The following SPEF2 variants were observed in gnomAD, a reference collection of about 807,000 sequenced individuals.
The protein encoded by SPEF2 is sperm flagella and cilia-associated protein 2.
A neutral mutation model predicts 224.6 loss-of-function variants in SPEF2; 187 were observed. That is an observed-to-expected ratio of 0.83 (90% CI 0.74 to 0.94). SPEF2 has a LOEUF of 0.94. Ranked by LOEUF, SPEF2 falls within the 40% of genes least tolerant of loss-of-function variation. The pLI, the probability that SPEF2 is intolerant of heterozygous loss-of-function variation, is 0.00. For missense variants in SPEF2, 2,170 were observed against 2,135.6 expected, an observed-to-expected ratio of 1.02 and a Z score of -0.32; for synonymous variants, 715 against 707.3, an observed-to-expected ratio of 1.01 and a Z score of -0.17.
chr5:35,741,462 G>A (rs1166655761), intron 23 of SPEF2, among the ~76,000 whole-genome samples: 1 of 152,206 alleles, frequency 6.6e-6, no homozygotes, highest in Non-Finnish European at 1.5e-5. Flanking sequence ...GTCTGGAGCA[G>A]AGTGAGCTAG....
At chr5:35,755,921 C>T (rs1176767144) in intron 24 of SPEF2, among the ~76,000 whole-genome samples, 3 of 152,100 alleles carry the variant, frequency 2.0e-5, no homozygotes, top group African/African-American at 7.2e-5. Context: ...ACTGTAAGTT[C>T]TGTTATCTTC....
chr5:35,755,621 A>C (rs1225402499), intron 24 of SPEF2, among the ~76,000 whole-genome samples: 1 of 152,154 alleles, frequency 6.6e-6, no homozygotes, highest in Non-Finnish European at 1.5e-5. Flanking sequence ...GAATATATTA[A>C]AACTTCACAA....
At chr5:35,761,384 A>T (rs1482658467) in intron 25 of SPEF2, among the ~76,000 whole-genome samples, 1 of 152,208 alleles carries the variant, frequency 6.6e-6, no homozygotes, top group Non-Finnish European at 1.5e-5. Flanking sequence ...TCAGAAGATG[A>T]GATTGAGTCC....
intron 9 of SPEF2, among the ~76,000 whole-genome samples, chr5:35,668,779 T>C (rs1222740025): frequency 2.0e-5 from 3 of 152,028 alleles, no homozygotes; most frequent in Non-Finnish European, 4.4e-5. Context: ...ATAGCTAAGG[T>C]TTTTTTCTTC....
intron 28 of SPEF2, among the ~76,000 whole-genome samples, chr5:35,774,805 G>C (rs1047606974): frequency 1.3e-5 from 2 of 151,946 alleles, no homozygotes; most frequent in African/African-American, 4.8e-5. Context: ...TCTCTCCCCT[G>C]TCCTTCCCAT....
chr5:35,779,371 A>G (rs749607117), intron 30 of SPEF2, 25 bp downstream of exon 30: 1 of 1,553,130 alleles, frequency 6.4e-7, no homozygotes, highest in Non-Finnish European at 8.8e-7. Flanking sequence ...TATCATGAAA[A>G]GAGCACAAAA....
At chr5:35,675,225 C>T (rs577959990) in intron 10 of SPEF2, among the ~76,000 whole-genome samples, 6 of 152,204 alleles carry the variant, frequency 3.9e-5, no homozygotes, top group African/African-American at 1.4e-4. Flanking sequence ...CACTCAATGC[C>T]TCACAATATC....
intron 10 of SPEF2, among the ~76,000 whole-genome samples, chr5:35,678,923 C>T (rs946073160): frequency 5.3e-5 from 8 of 152,172 alleles, no homozygotes; most frequent in Admixed American, 2.6e-4. Context: ...CTTTCTGCCT[C>T]TTCTAAGAAA....
chr5:35,801,798 G>A (rs781188205), intron 34 of SPEF2, among the ~76,000 whole-genome samples: 1 of 152,154 alleles, frequency 6.6e-6, no homozygotes, highest in Admixed American at 6.5e-5. Flanking sequence ...ACTTCCTTGA[G>A]ATCTGCTTCT....
At chr5:35,730,494 C>T (rs1372667160) in intron 21 of SPEF2, among the ~76,000 whole-genome samples, 1 of 152,256 alleles carries the variant, frequency 6.6e-6, no homozygotes, top group East Asian at 1.9e-4. Flanking sequence ...GGAAACCTGT[C>T]CTCCTTCAGG....
rs79295037 is a variant in SPEF2 at position 35,740,084 on chromosome 5, G to A, written c.3191+38G>A. On this transcript the variant is annotated intron_variant, in intron 22 of 36. Coordinates refer to ENST00000356031, the MANE Select transcript of SPEF2 (RefSeq NM_024867.4). ...TCCAAAGTCAGAATTTTACAGTTTA[G>A]AGGCATGACATATAAAATTTATCTC... The A allele has an allele frequency of 0.048, 78,118 of 1,613,944 alleles. 2,132 individuals carry two copies. The highest frequency in any genetic ancestry group is 0.051 in the Non-Finnish European group (60,739 of 1,179,978).
chr5:35,790,813 C>A (rs1755846397), intron 30 of SPEF2: 1 of 152,886 alleles, frequency 6.5e-6, no homozygotes, highest in Non-Finnish European at 1.5e-5. Flanking sequence ...CTCTTTTCAT[C>A]TGTGAACAAA....
At chr5:35,639,561 C>T (rs554178386) in intron 2 of SPEF2, among the ~76,000 whole-genome samples, 1 of 152,092 alleles carries the variant, frequency 6.6e-6, no homozygotes, top group Non-Finnish European at 1.5e-5. Flanking sequence ...AGTTATTCAT[C>T]TTGGAAATAA....
intron 21 of SPEF2, among the ~76,000 whole-genome samples, chr5:35,732,916 ATTAG>A (rs1391682588): frequency 6.6e-6 from 1 of 152,122 alleles, no homozygotes; most frequent in African/African-American, 2.4e-5. Flanking sequence ...CTATTTTATT[ATTAG>A]TTAATATTTT....
Position 35,690,332 on chromosome 5 carries a change from G to A in SPEF2, c.1525-705G>A, listed in dbSNP as rs74457903. 2.0e-3 allele frequency among the ~76,000 whole-genome samples: 308 copies of A among 152,106 alleles called. 2 individuals carry two copies. The highest frequency in any genetic ancestry group is 7.2e-3 in the African/African-American group (298 of 41,516). The stretch of plus-strand genomic sequence containing the variant: ...CTCGATCAAGGCATTTTAGGCTAAG[G>A]GGCATTTTCCTATGTGTACAGTTTG... On this transcript the variant is annotated intron_variant, in intron 10 of 36. Transcript: ENST00000356031.
At chr5:35,710,177 C>T (rs1453688580) in intron 19 of SPEF2, 2 of 984,366 alleles carry the variant, frequency 2.0e-6, no homozygotes, top group Non-Finnish European at 2.4e-6. Flanking sequence ...ATTAAACATA[C>T]ACCCTTTTCC....
intron 30 of SPEF2, among the ~76,000 whole-genome samples, chr5:35,784,861 G>T (rs1754880975): frequency 1.3e-5 from 2 of 152,116 alleles, no homozygotes; most frequent in African/African-American, 4.8e-5. Context: ...CTATATGTGT[G>T]AGAGAGTGGC....
At chr5:35,683,636 A>G (rs1753148105) in intron 10 of SPEF2, among the ~76,000 whole-genome samples, 1 of 152,170 alleles carries the variant, frequency 6.6e-6, no homozygotes, top group African/African-American at 2.4e-5. Flanking sequence ...AAACAAACAA[A>G]CAAGCAAAAA....
intron 11 of SPEF2, among the ~76,000 whole-genome samples, 178 bp downstream of exon 11, chr5:35,691,434 A>T (rs1754467637): frequency 6.6e-6 from 1 of 152,222 alleles, no homozygotes; most frequent in African/African-American, 2.4e-5. Context: ...AAATGAGTGA[A>T]ATATTGATAC....
Sources: gnomAD v4.1 joint callset for allele counts (sites outside exome capture counted in the v4.1 genomes callset) on GRCh38, gnomAD v4.1.1 for gene constraint, MANE v1.5 for transcripts, NCBI Gene and HGNC (gene_info 2026-07-23, HGNC 2026-07-21) for gene names.